The following PPP4R2 variants were observed in gnomAD, a reference collection of about 807,000 sequenced individuals.
The protein encoded by PPP4R2 is protein phosphatase 4 regulatory subunit 2.
Under a neutral mutation model 47.2 loss-of-function variants are expected in PPP4R2, and 13 were observed. The observed-to-expected ratio is 0.28, with a 90% CI of 0.18 to 0.44. The LOEUF (loss-of-function observed/expected upper bound fraction) is 0.44. Ranked by LOEUF, PPP4R2 falls within the 20% of genes least tolerant of loss-of-function variation. The probability of loss-of-function intolerance (pLI) is 1.00; values close to 1 mark genes in which losing one functional copy is unlikely to be tolerated. For missense variants in PPP4R2, 421 were observed against 491.2 expected, an observed-to-expected ratio of 0.86 and a Z score of 1.35; for synonymous variants, 151 against 163.3, an observed-to-expected ratio of 0.92 and a Z score of 0.57.
At chr3:73,057,047 G>T (rs1446775783) in intron 3 of PPP4R2, among the ~76,000 whole-genome samples, 2 of 152,084 alleles carry the variant, frequency 1.3e-5, no homozygotes, top group African/African-American at 2.4e-5. Context: ...TCACTATGGG[G>T]TGATTAATGA....
intron 5 of PPP4R2, chr3:73,063,265 T>C (rs1322212582): frequency 3.5e-6 from 1 of 286,034 alleles, no homozygotes; most frequent in African/African-American, 2.4e-5. Flanking sequence ...GGGGGGAGTG[T>C]TGGGTGGAAT....
rs1701862259 is a variant in PPP4R2, at chr3:73,017,342, T to C, written c.116+19184T>C. On this transcript the variant is annotated intron_variant, in intron 2 of 8. Transcript: ENST00000356692. ...GGTATACCTAACCTTTAGTTTCCCA[T>C]AAATTCTGCCTGTTGTAGCCTGGAA... Among the ~76,000 whole-genome samples, 6 of 116,604 alleles carry C rather than the reference T, an allele frequency of 5.1e-5. No homozygotes were observed. The South Asian group carries it at 1.9e-3, about 36-fold the overall frequency. The allele number at this position is 116,604 out of a possible 152,430, so 76.5% of individuals were successfully genotyped here.
chr3:73,050,485 A>G (rs186872205), intron 3 of PPP4R2, among the ~76,000 whole-genome samples: 110 of 152,196 alleles, frequency 7.2e-4, no homozygotes, highest in African/African-American at 2.5e-3. Flanking sequence ...AATATTTACT[A>G]AGAAGTAACA....
At chr3:73,062,023 A>G in intron 5 of PPP4R2, 5 of 1,241,470 alleles carry the variant, frequency 4.0e-6, no homozygotes, top group Non-Finnish European at 5.5e-6. Flanking sequence ...TTGCTCATGA[A>G]CGTGAGGTAT....
chr3:73,053,147 T>C (rs1284260776), intron 3 of PPP4R2, among the ~76,000 whole-genome samples: 2 of 152,250 alleles, frequency 1.3e-5, no homozygotes, highest in African/African-American at 4.8e-5. Context: ...AAATAGGTTT[T>C]TGTGCTGTTA....
chr3:73,053,000 G>A (rs1403725750), intron 3 of PPP4R2, among the ~76,000 whole-genome samples: 3 of 152,222 alleles, frequency 2.0e-5, no homozygotes, highest in African/African-American at 7.2e-5. Context: ...CAGTTTGTGT[G>A]TTGTTTGCTT....
At chr3:73,021,886 A>G (rs1051909397) in intron 2 of PPP4R2, among the ~76,000 whole-genome samples, 4 of 65,738 alleles carry the variant, frequency 6.1e-5, no homozygotes, top group African/African-American at 1.1e-4. Flanking sequence ...GTGTGTATAT[A>G]TGCATATATA....
rs71845467 is a variant in PPP4R2 at position 73,052,241 on chromosome 3, C to CTTTTT, written c.287+4889_287+4890insTTTTT. Among the ~76,000 whole-genome samples, 10 of 137,724 alleles carry CTTTTT rather than the reference C, an allele frequency of 7.3e-5. 1 individual carries two copies. Among genetic ancestry groups the CTTTTT allele is most frequent in the South Asian group, 2.3e-4 (1 of 4,366 alleles). 90.4% of individuals were successfully genotyped at this position (137,724 alleles called of 152,430 possible). On this transcript the variant is annotated intron_variant, in intron 3 of 8. Coordinates refer to ENST00000356692, the MANE Select transcript of PPP4R2 (RefSeq NM_174907.4). ...TCACAATGGAATGCTTAATTTCTTT[C>CTTTTT]TTTTCTTTTTTTTTTTGGTCATTTT...
At chr3:73,002,687 G>A (rs1383846781) in intron 2 of PPP4R2, among the ~76,000 whole-genome samples, 1 of 132,310 alleles carries the variant, frequency 7.6e-6, no homozygotes, top group Non-Finnish European at 1.5e-5. Flanking sequence ...TGTCACCCAG[G>A]CTGGAGTGCA....
chr3:73,059,265 T>C, intron 4 of PPP4R2, 135 bp downstream of exon 4: 1 of 547,752 alleles, frequency 1.8e-6, no homozygotes, highest in East Asian at 3.2e-5. Context: ...GTTTCCCAAA[T>C]TGTTTTCCAA....
At chr3:72,997,201 C>A in intron 1 of PPP4R2, 130 bp downstream of exon 1, 1 of 620,590 alleles carries the variant, frequency 1.6e-6, no homozygotes, top group Non-Finnish European at 2.4e-6. Context: ...GGCTCCCATC[C>A]CCCTCCACCT....
rs1001398790 is a variant in PPP4R2 at position 73,049,937 on chromosome 3, T to G, written c.287+2581T>G. On this transcript the variant is annotated intron_variant, in intron 3 of 8. Transcript: ENST00000356692. ...TTGAACCGTATTTTGAAATTTTGTT[T>G]TGTTTTGTTTTATTTTATTTATTTA... Among the ~76,000 whole-genome samples the G allele has an allele frequency of 8.5e-5, 13 of 152,098 alleles. No homozygotes were observed. In the East Asian group the frequency reaches 1.9e-3, roughly 23 times the overall value.
chr3:73,055,697 TATCA>T (rs1436877551), intron 3 of PPP4R2, among the ~76,000 whole-genome samples: 1 of 151,578 alleles, frequency 6.6e-6, no homozygotes, highest in Non-Finnish European at 1.5e-5. Context: ...GTCTCACTCT[TATCA>T]CCCAGGCTGG....
At chr3:73,020,534 G>C (rs1701937235) in intron 2 of PPP4R2, among the ~76,000 whole-genome samples, 1 of 151,836 alleles carries the variant, frequency 6.6e-6, no homozygotes, top group Non-Finnish European at 1.5e-5. Context: ...GCTGGGTGTG[G>C]TGGTGTGTGC....
At chr3:73,055,413 G>T (rs1433311968) in intron 3 of PPP4R2, among the ~76,000 whole-genome samples, 2 of 80,892 alleles carry the variant, frequency 2.5e-5, no homozygotes, top group Non-Finnish European at 5.0e-5. Context: ...TCCTAGTGGG[G>T]TAGCGTGTGT....
chr3:73,039,479 C>G (rs927034541), intron 2 of PPP4R2, among the ~76,000 whole-genome samples: 1 of 152,146 alleles, frequency 6.6e-6, no homozygotes, highest in Admixed American at 6.6e-5. Context: ...TCCAAAAATT[C>G]TGTTCATAAT....
chr3:73,019,780 T>G (rs536728179), intron 2 of PPP4R2, among the ~76,000 whole-genome samples: 88 of 152,218 alleles, frequency 5.8e-4, no homozygotes, highest in Admixed American at 1.4e-3. Context: ...GTATACTTGC[T>G]CTCTCTCTTC....
intron 2 of PPP4R2, among the ~76,000 whole-genome samples, chr3:72,999,037 C>A (rs1411320371): frequency 6.6e-6 from 1 of 152,172 alleles, no homozygotes; most frequent in Admixed American, 6.6e-5. Flanking sequence ...TCATTTCTCA[C>A]AAGATTTGCT....
At chr3:73,060,701 A>G (rs1702837738) in intron 4 of PPP4R2, among the ~76,000 whole-genome samples, 1 of 152,152 alleles carries the variant, frequency 6.6e-6, no homozygotes, top group Admixed American at 6.5e-5. Context: ...ATCTCTCAAC[A>G]TCTTTGTTGA....
Sources: gnomAD v4.1 joint callset for allele counts (sites outside exome capture counted in the v4.1 genomes callset) on GRCh38, gnomAD v4.1.1 for gene constraint, MANE v1.5 for transcripts, NCBI Gene and HGNC (gene_info 2026-07-23, HGNC 2026-07-21) for gene names.